Variants in CHIC2 observed in about 807,000 individuals in gnomAD.
The protein encoded by CHIC2 is cysteine-rich hydrophobic domain-containing protein 2.
Under a neutral mutation model 25.9 loss-of-function variants are expected in CHIC2, and 14 were observed. That is an observed-to-expected ratio of 0.54 (90% CI 0.36 to 0.85). CHIC2 has a LOEUF of 0.85. Ranked by LOEUF, CHIC2 falls within the 40% of genes least tolerant of loss-of-function variation. The probability of loss-of-function intolerance (pLI) is 0.01; values close to 1 mark genes in which losing one functional copy is unlikely to be tolerated. For synonymous variants in CHIC2, 70 were observed against 72.0 expected (o/e 0.97, Z 0.14); for missense variants, 146 against 202.0 (o/e 0.72, Z 1.68).
chr4:54,087,279 A>T, the CHIC2 span: 1 of 583,218 alleles, frequency 1.7e-6, no homozygotes, highest in South Asian at 2.3e-5. Context: ...AACAGAATGG[A>T]AGTTAAAGTG....
intron 3 of CHIC2, among the ~76,000 whole-genome samples, chr4:54,020,243 C>T (rs771759076): frequency 7.2e-5 from 11 of 152,134 alleles, no homozygotes; most frequent in African/African-American, 2.7e-4. Flanking sequence ...AACTGATCAA[C>T]GTGCTTTGTA....
chr4:54,066,900 T>C (rs546240367), upstream of CHIC2, among the ~76,000 whole-genome samples: 60 of 152,346 alleles, frequency 3.9e-4, no homozygotes, highest in Admixed American at 3.8e-3. Flanking sequence ...GAATTCACCC[T>C]TATGTAGAAA....
chr4:54,087,246 T>C, the CHIC2 span: 2 of 608,704 alleles, frequency 3.3e-6, no homozygotes, highest in East Asian at 2.8e-5. Context: ...GACCTCACTG[T>C]TGAAAGCGAG....
chr4:54,042,079 AGGGCC>A (rs1348986985), intron 3 of CHIC2, among the ~76,000 whole-genome samples: 4 of 152,068 alleles, frequency 2.6e-5, no homozygotes, highest in African/African-American at 9.7e-5. Flanking sequence ...CTCTTTCTCC[AGGGCC>A]GGTAATATCC....
chr4:54,021,136 C>A (rs1715887276), intron 3 of CHIC2, among the ~76,000 whole-genome samples: 1 of 152,182 alleles, frequency 6.6e-6, no homozygotes, highest in Non-Finnish European at 1.5e-5. Flanking sequence ...TCACACCTGA[C>A]CTAAAACCTA....
Position 54,059,600 on chromosome 4 carries a change from C to T in CHIC2, c.119+4582G>A, listed in dbSNP as rs1717272381. 3 of 151,766 alleles carry T rather than the reference C, an allele frequency of 2.0e-5. No individual in the cohort carries two copies. The South Asian group carries it at 6.2e-4, about 32-fold the overall frequency. The allele number at this position is 151,766 out of a possible 1,614,324, so 9.4% of individuals were successfully genotyped here. A position where few individuals can be genotyped will look rare whatever the true frequency, so the allele number is the denominator to read the frequency against. Reference sequence around the variant, plus strand: ...AAAAAAGTTATAAAAAAAAAATCTACCTTAATTTGATAATTTCCTCACAAT... The same window carrying T: ...AAAAAAGTTATAAAAAAAAAATCTATCTTAATTTGATAATTTCCTCACAAT... On this transcript the variant is annotated intron_variant, in intron 1 of 5. Coordinates refer to ENST00000263921, the MANE Select transcript of CHIC2 (RefSeq NM_012110.4).
intron 5 of CHIC2, among the ~76,000 whole-genome samples, chr4:54,010,794 T>C (rs1210438741): frequency 2.0e-5 from 3 of 152,166 alleles, no homozygotes; most frequent in Admixed American, 2.0e-4. Flanking sequence ...CTCTAAGTTC[T>C]AGAGTTGCTC....
chr4:54,056,564 A>AT (rs1293614596), intron 1 of CHIC2, among the ~76,000 whole-genome samples: 2 of 152,176 alleles, frequency 1.3e-5, no homozygotes, highest in African/African-American at 4.8e-5. Context: ...TATGACTACA[A>AT]TGCAAGATCA....
chr4:54,068,209 T>C (rs1717556010), upstream of CHIC2, among the ~76,000 whole-genome samples: 1 of 152,150 alleles, frequency 6.6e-6, no homozygotes, highest in Non-Finnish European at 1.5e-5. Flanking sequence ...GGCTACGATG[T>C]ACTGAATGTT....
the CHIC2 span, chr4:54,087,237 A>T: frequency 1.6e-6 from 1 of 619,428 alleles, no homozygotes; most frequent in Admixed American, 2.6e-5. Context: ...GCCTGGGCAG[A>T]CCTCACTGTT....
At chr4:54,074,072 C>T in the CHIC2 span, among the ~76,000 whole-genome samples, 8 of 151,956 alleles carry the variant, frequency 5.3e-5, no homozygotes, top group African/African-American at 9.7e-5. Context: ...GCAGGAGAAT[C>T]GCTTGAACCC....
chr4:54,084,493 C>A, the CHIC2 span, among the ~76,000 whole-genome samples: 13 of 147,652 alleles, frequency 8.8e-5, no homozygotes, highest in African/African-American at 1.5e-4. Context: ...AGAAAAATTA[C>A]AAAAAAAAAA....
intron 3 of CHIC2, among the ~76,000 whole-genome samples, chr4:54,018,216 A>C (rs901122139): frequency 1.1e-4 from 17 of 152,170 alleles, no homozygotes; most frequent in African/African-American, 4.1e-4. Flanking sequence ...CATACCTTCC[A>C]AAGAAGCATC....
In CHIC2 at chr4:54,034,582, C is replaced by T. The variant is rs564303759; in HGVS notation, c.330+14373G>A. Among the ~76,000 whole-genome samples, 167 of 151,900 alleles carry T rather than the reference C, an allele frequency of 1.1e-3. 1 individual carries two copies. The South Asian group carries it at 0.019, about 17-fold the overall frequency. On this transcript the variant is annotated intron_variant, in intron 3 of 5. Coordinates refer to ENST00000263921, the MANE Select transcript of CHIC2 (RefSeq NM_012110.4). Reference sequence around the variant, plus strand: ...TTTATGCTACTTAAAAATTGTTTTTCATTTTAATTTTTTATTTTTTGTTGA... The same window carrying T: ...TTTATGCTACTTAAAAATTGTTTTTTATTTTAATTTTTTATTTTTTGTTGA...
At chr4:54,017,944 CAGG>C (rs1319112601) in intron 3 of CHIC2, among the ~76,000 whole-genome samples, 5 of 152,170 alleles carry the variant, frequency 3.3e-5, no homozygotes, top group Middle Eastern at 3.4e-3. Flanking sequence ...TAAAAATTAA[CAGG>C]AGATTTAAAA....
At chr4:54,050,605 G>C (rs1716977261) in intron 1 of CHIC2, among the ~76,000 whole-genome samples, 1 of 152,054 alleles carries the variant, frequency 6.6e-6, no homozygotes, top group African/African-American at 2.4e-5. Context: ...GGTCCCACAA[G>C]ATTTTAATAC....
chr4:54,064,105 G>A lies in CHIC2; in HGVS notation c.119+77C>T, dbSNP rs1717424149. The A allele has an allele frequency of 4.1e-6, 5 of 1,225,730 alleles. No homozygotes were observed. The highest frequency in any genetic ancestry group is 5.6e-6 in the Non-Finnish European group (5 of 887,226). The allele number at this position is 1,225,730 out of a possible 1,614,324, so 75.9% of individuals were successfully genotyped here. On this transcript the variant is annotated intron_variant, in intron 1 of 5. Coordinates refer to ENST00000263921, the MANE Select transcript of CHIC2 (RefSeq NM_012110.4). The surrounding 1 kb of genome is among the most constrained non-coding windows in gnomAD (Gnocchi z 4.2). ...GGCCCCCGACACCAGACGGACACAGGGGAAACGGGGCTCCCGTGGAGTAAC... is the reference window on the plus strand; with the variant it reads ...GGCCCCCGACACCAGACGGACACAGAGGAAACGGGGCTCCCGTGGAGTAAC...
chr4:54,080,698 G>A, the CHIC2 span, among the ~76,000 whole-genome samples: 4 of 150,912 alleles, frequency 2.7e-5, no homozygotes, highest in South Asian at 2.1e-4. Flanking sequence ...CCCAGGAGGT[G>A]GAGGCCGAGA....
At position 54,042,314 on chromosome 4, in the gene CHIC2, C is replaced by T. The variant is rs116677035; in HGVS notation, c.330+6641G>A. 8.6e-3 allele frequency among the ~76,000 whole-genome samples: 1,315 copies of T among 152,188 alleles called. 13 individuals are homozygous for T. The highest frequency in any genetic ancestry group is 0.03 in the African/African-American group (1,226 of 41,526). On this transcript the variant is annotated intron_variant, in intron 3 of 5. Coordinates refer to ENST00000263921, the MANE Select transcript of CHIC2 (RefSeq NM_012110.4). Reference sequence around the variant, plus strand: ...ACACTACAATGCTAAATGAAATGTACTTTCAGAAACTACAGATTAAACTAG... The same window carrying T: ...ACACTACAATGCTAAATGAAATGTATTTTCAGAAACTACAGATTAAACTAG...
Sources: gnomAD v4.1 joint callset for allele counts (sites outside exome capture counted in the v4.1 genomes callset) on GRCh38, gnomAD v4.1.1 for gene constraint, Gnocchi (gnomAD v3.1) non-coding constraint, MANE v1.5 for transcripts, NCBI Gene and HGNC (gene_info 2026-07-23, HGNC 2026-07-21) for gene names.